SPRY3: variants seen among roughly 807,000 people sequenced by gnomAD.
SPRY3 encodes protein sprouty homolog 3.
SPRY3 carries 15 observed loss-of-function variants against 20.2 expected under a neutral mutation model. The observed-to-expected ratio is 0.74, with a 90% CI of 0.50 to 1.14. SPRY3 has a LOEUF of 1.14. Ranked by LOEUF, SPRY3 falls within the 50% of genes most tolerant of loss-of-function variation. The probability of loss-of-function intolerance (pLI) is 0.00; values close to 1 mark genes in which losing one functional copy is unlikely to be tolerated. For synonymous variants in SPRY3, 143 were observed against 136.5 expected, an observed-to-expected ratio of 1.05 and a Z score of -0.33; for missense variants, 364 against 363.9, an observed-to-expected ratio of 1.00 and a Z score of 0.00.
At chrX:155,703,954 A>G (rs1303636305) in intron 2 of SPRY3, among the ~76,000 whole-genome samples, 1 of 151,902 alleles carries the variant, frequency 6.6e-6, no homozygotes, top group Non-Finnish European at 1.5e-5. Context: ...CATAGCAGCA[A>G]TATATCTCAA....
chrX:155,745,147 G>A (rs2091219969), intron 2 of SPRY3, among the ~76,000 whole-genome samples: 1 of 152,010 alleles, frequency 6.6e-6, no homozygotes, highest in South Asian at 2.1e-4. Flanking sequence ...CCCCAAGCTT[G>A]AGAAACTTAT....
chrX:155,628,047 C>T (rs997737212), intron 1 of SPRY3, among the ~76,000 whole-genome samples: 1 of 111,737 alleles, frequency 8.9e-6, no homozygotes, highest in Non-Finnish European at 1.9e-5. Context: ...TTTCTTTATA[C>T]GGTCTATCAT....
At chrX:155,754,071 GA>G (rs900221815) in intron 2 of SPRY3, among the ~76,000 whole-genome samples, 2 of 151,588 alleles carry the variant, frequency 1.3e-5, no homozygotes, top group African/African-American at 4.8e-5. Context: ...TTTTTGGCAG[GA>G]AAAAAAGGTT....
intron 2 of SPRY3, among the ~76,000 whole-genome samples, chrX:155,713,022 AT>A (rs1387872985): frequency 6.6e-6 from 1 of 151,732 alleles, no homozygotes; most frequent in Non-Finnish European, 1.5e-5. Flanking sequence ...GTTTCCCTTT[AT>A]GTCTTACTGT....
intron 2 of SPRY3, among the ~76,000 whole-genome samples, chrX:155,760,976 T>G (rs1208528060): frequency 1.3e-5 from 2 of 152,158 alleles, no homozygotes; most frequent in Non-Finnish European, 2.9e-5. Flanking sequence ...TAATATTGAA[T>G]GCTTTTAAAC....
At chrX:155,749,860 G>T (rs1262468557) in intron 2 of SPRY3, among the ~76,000 whole-genome samples, 2 of 151,888 alleles carry the variant, frequency 1.3e-5, no homozygotes, top group East Asian at 1.9e-4. Context: ...ATATTCAATT[G>T]GAGATTTTGA....
chrX:155,763,687 T>G (rs1404320382), intron 2 of SPRY3, among the ~76,000 whole-genome samples: 1 of 152,180 alleles, frequency 6.6e-6, no homozygotes. Context: ...CCAATCCAGA[T>G]TTCCATGTGA....
At chrX:155,706,830 T>G (rs1309264681) in intron 2 of SPRY3, among the ~76,000 whole-genome samples, 1 of 151,056 alleles carries the variant, frequency 6.6e-6, no homozygotes, top group African/African-American at 2.4e-5. Context: ...TTTTAAAATT[T>G]TAATCTGTAG....
intron 2 of SPRY3, among the ~76,000 whole-genome samples, chrX:155,706,528 A>G (rs1222403404): frequency 2.0e-5 from 3 of 151,014 alleles, no homozygotes; most frequent in Non-Finnish European, 4.5e-5. Flanking sequence ...AAAAGAGAAA[A>G]TTAATAGATA....
At chrX:155,717,823 G>A (rs897401922) in intron 2 of SPRY3, among the ~76,000 whole-genome samples, 7 of 152,004 alleles carry the variant, frequency 4.6e-5, no homozygotes, top group African/African-American at 9.7e-5. Context: ...CATTTGGGTC[G>A]GTTCCAAGTC....
At chrX:155,692,311 A>G (rs1354541891) in intron 2 of SPRY3, among the ~76,000 whole-genome samples, 1 of 111,185 alleles carries the variant, frequency 9.0e-6, no homozygotes, top group African/African-American at 3.3e-5. Flanking sequence ...TGATGAAAAC[A>G]CATTTTACTC....
intron 2 of SPRY3, among the ~76,000 whole-genome samples, chrX:155,742,367 G>T (rs1002639131): frequency 6.6e-6 from 1 of 152,126 alleles, no homozygotes; most frequent in Non-Finnish European, 1.5e-5. Context: ...CCTATGAAGA[G>T]ACTTAGACTC....
In SPRY3 at chrX:155,773,313, T is replaced by C. The variant is rs700440; in HGVS notation, c.-106-453T>C. ...GAAAAGATAATTTTGATTGGATATA[T>C]ATATATATATATATATATATATATA... On this transcript the variant is annotated intron_variant, in intron 3 of 3. Transcript: ENST00000675360. Among the ~76,000 whole-genome samples the C allele has an allele frequency of 6.5e-3, 890 of 137,396 alleles. 14 individuals carry two copies. Among genetic ancestry groups the C allele is most frequent in the African/African-American group, 0.025 (857 of 34,344 alleles). 90.1% of individuals were successfully genotyped at this position (137,396 alleles called of 152,430 possible).
chrX:155,757,269 A>G (rs1263589643), intron 2 of SPRY3, among the ~76,000 whole-genome samples: 1 of 151,846 alleles, frequency 6.6e-6, no homozygotes, highest in Non-Finnish European at 1.5e-5. Context: ...CTCCTAGAAC[A>G]CATCAAGTAC....
At position 155,675,390 on chromosome X, in the gene SPRY3, G is replaced by C. The variant is rs782408371; in HGVS notation, c.-282+18365G>C. ...GGAAAGAGAGGAGGAATGTTTGGGG[G>C]GTCATATAATGAGAGGAAGTGTGAT... On this transcript the variant is annotated intron_variant, in intron 2 of 3. Transcript: ENST00000675360. Among the ~76,000 whole-genome samples the C allele has an allele frequency of 3.6e-5, 4 of 111,325 alleles. No individual in the cohort carries two copies. In the East Asian group the frequency reaches 1.1e-3, roughly 32 times the overall value.
At chrX:155,782,327 G>C (rs772478956) in exon 2 of SPRY3, 1 of 166,864 alleles carries the variant, frequency 6.0e-6, no homozygotes, top group Non-Finnish European at 1.5e-5. Flanking sequence ...CCCAGAACAG[G>C]ATATCCATAT....
chrX:155,775,067 A>G (rs372116511), exon 4 of SPRY3: 87 of 405,480 alleles, frequency 2.1e-4, no homozygotes, highest in South Asian at 4.7e-4. Context: ...GGGCTCCCCA[A>G]TGTAATACCT....
At chrX:155,648,704 T>G (rs1428305423) in intron 1 of SPRY3, among the ~76,000 whole-genome samples, 4 of 111,808 alleles carry the variant, frequency 3.6e-5, no homozygotes, top group Non-Finnish European at 7.5e-5. Flanking sequence ...TACTGTAGCC[T>G]TCTAGTATAG....
chrX:155,748,021 TAACA>T (rs1422349037), intron 2 of SPRY3, among the ~76,000 whole-genome samples: 1 of 151,926 alleles, frequency 6.6e-6, no homozygotes, highest in Non-Finnish European at 1.5e-5. Flanking sequence ...AAGGGACTGG[TAACA>T]AACAGTTTTG....
Sources: allele counts gnomAD v4.1 joint callset (sites outside exome capture counted in the v4.1 genomes callset), GRCh38; gene constraint gnomAD v4.1.1; transcripts MANE v1.5; gene names NCBI Gene and HGNC (gene_info 2026-07-23, HGNC 2026-07-21).